RBM47: variants seen among roughly 807,000 people sequenced by gnomAD.
RBM47 encodes the protein RNA-binding protein 47.
Under a neutral mutation model 47.1 loss-of-function variants are expected in RBM47, and 21 were observed. The ratio of observed to expected loss-of-function variants is 0.45; its 90% CI spans 0.32 to 0.64. RBM47 has a LOEUF of 0.64. RBM47 is among the 30% of genes least tolerant of loss of function. The pLI is 0.05. For missense variants in RBM47, 708 were observed against 870.9 expected, an observed-to-expected ratio of 0.81 and a Z score of 2.35; for synonymous variants, 375 against 361.7, an observed-to-expected ratio of 1.04 and a Z score of -0.42.
In RBM47 at chr4:40,628,174, G is replaced by A. The variant is rs1737911380; in HGVS notation, c.-240+1222C>T. 6.6e-6 allele frequency among the ~76,000 whole-genome samples: 1 copy of A among 152,168 alleles called. No individual in the cohort carries two copies. ...AATAATTAAGTCAAAGAGGCCAACA[G>A]TGTGTATATCAGAACAAGGTGAAGG... is the stretch of plus-strand genomic sequence containing the variant. On this transcript the variant is annotated intron_variant, in intron 1 of 6. Transcript: ENST00000295971. The surrounding 1 kb of genome is among the most constrained non-coding windows in gnomAD (Gnocchi z 4.0).
At position 40,471,878 on chromosome 4, in the gene RBM47, G is replaced by A. The variant is rs191824359; in HGVS notation, c.-154-5179C>T. On this transcript the variant is annotated intron_variant, in intron 2 of 6. Coordinates refer to ENST00000295971, the MANE Select transcript of RBM47 (RefSeq NM_001098634.2). ...TTACACATGCTGTTCCAATATTTCAGCCCTCACCAATTCCCATCTAGCCAG... is the reference window on the plus strand; with the variant it reads ...TTACACATGCTGTTCCAATATTTCAACCCTCACCAATTCCCATCTAGCCAG... Among the ~76,000 whole-genome samples the A allele has an allele frequency of 2.4e-3, 359 of 152,082 alleles. 1 individual carries two copies. Among genetic ancestry groups the A allele is most frequent in the Middle Eastern group, 0.01 (3 of 294 alleles).
chr4:40,434,686 C>T (rs562909513), intron 5 of RBM47, among the ~76,000 whole-genome samples: 5 of 99,012 alleles, frequency 5.0e-5, no homozygotes, highest in South Asian at 6.8e-4. Context: ...GCAGAAATTG[C>T]AGAATTTTTA....
At chr4:40,607,267 T>C (rs1396667723) in intron 1 of RBM47, among the ~76,000 whole-genome samples, 2 of 152,154 alleles carry the variant, frequency 1.3e-5, no homozygotes, top group African/African-American at 4.8e-5. Flanking sequence ...AGAGGCCACA[T>C]ATCGTATGGT....
intron 1 of RBM47, among the ~76,000 whole-genome samples, chr4:40,583,414 A>T (rs934032453): frequency 1.4e-5 from 2 of 145,468 alleles, no homozygotes; most frequent in Non-Finnish European, 3.0e-5. Flanking sequence ...AAAAAAAAAA[A>T]GGGAAACAGA....
chr4:40,470,976 C>T (rs928244496), intron 2 of RBM47, among the ~76,000 whole-genome samples: 1 of 152,170 alleles, frequency 6.6e-6, no homozygotes, highest in African/African-American at 2.4e-5. Flanking sequence ...CGCCTGACCT[C>T]AAGTGATCTG....
At chr4:40,581,450 A>AAATAAAT (rs1553904691) in intron 1 of RBM47, among the ~76,000 whole-genome samples, 5 of 149,154 alleles carry the variant, frequency 3.4e-5, no homozygotes, top group Non-Finnish European at 7.4e-5. Flanking sequence ...ATAAATAAAT[A>AAATAAAT]AATAAATAAA....
intron 2 of RBM47, among the ~76,000 whole-genome samples, chr4:40,484,162 T>C (rs1720785864): frequency 6.6e-6 from 1 of 152,296 alleles, no homozygotes; most frequent in Admixed American, 6.5e-5. Context: ...ATTATAGTAA[T>C]CAAATGTAGA....
intron 6 of RBM47, among the ~76,000 whole-genome samples, chr4:40,429,153 C>G (rs1374505865): frequency 6.6e-6 from 1 of 152,118 alleles, no homozygotes; most frequent in Non-Finnish European, 1.5e-5. Context: ...TAATAGCCAT[C>G]TGGGTTATCA....
chr4:40,459,779 T>C (rs930965593), intron 3 of RBM47, among the ~76,000 whole-genome samples: 1 of 152,132 alleles, frequency 6.6e-6, no homozygotes, highest in Non-Finnish European at 1.5e-5. Flanking sequence ...TCATTCTTGT[T>C]GCTAAGGCTG....
intron 1 of RBM47, among the ~76,000 whole-genome samples, chr4:40,596,296 A>G (rs78335472): frequency 0.011 from 1,698 of 152,334 alleles, 33 homozygotes; most frequent in African/African-American, 0.038. Context: ...AAGGTGGATC[A>G]TTCCTGATCT....
At chr4:40,528,945 A>AAAAAT (rs1412585518) in intron 2 of RBM47, among the ~76,000 whole-genome samples, 2 of 92,348 alleles carry the variant, frequency 2.2e-5, no homozygotes, top group East Asian at 6.1e-4. Flanking sequence ...TCCGTCTCAA[A>AAAAAT]AAAAAAATAA....
At chr4:40,496,972 C>T (rs1219727481) in intron 2 of RBM47, among the ~76,000 whole-genome samples, 11 of 144,672 alleles carry the variant, frequency 7.6e-5, no homozygotes, top group Non-Finnish European at 1.5e-4. Context: ...ACCTGGGAGG[C>T]GGAGGTTGCG....
chr4:40,439,043 T>C (rs1195376786), intron 3 of RBM47, 119 bp from the exon 4 acceptor site: 5 of 878,880 alleles, frequency 5.7e-6, no homozygotes, highest in African/African-American at 1.7e-5. Flanking sequence ...GTGGTTTAAA[T>C]GAGAAATAGG....
At chr4:40,550,412 A>G (rs1191716927) in intron 1 of RBM47, among the ~76,000 whole-genome samples, 5 of 152,100 alleles carry the variant, frequency 3.3e-5, no homozygotes, top group African/African-American at 9.6e-5. Context: ...AAATGTGGGA[A>G]GTTTATCATA....
chr4:40,565,789 TG>T (rs1731043577), intron 1 of RBM47, among the ~76,000 whole-genome samples: 1 of 151,952 alleles, frequency 6.6e-6, no homozygotes, highest in Non-Finnish European at 1.5e-5. Context: ...AGAAACAAAA[TG>T]GACTGGACCC....
intron 1 of RBM47, among the ~76,000 whole-genome samples, chr4:40,608,295 T>A (rs1463471279): frequency 1.3e-5 from 2 of 152,106 alleles, no homozygotes; most frequent in African/African-American, 4.8e-5. Context: ...CCCACATGAG[T>A]GTGAGCATCT....
intron 1 of RBM47, among the ~76,000 whole-genome samples, chr4:40,570,720 T>C (rs960804272): frequency 6.6e-6 from 1 of 152,022 alleles, no homozygotes; most frequent in South Asian, 2.1e-4. Flanking sequence ...AAAATAATCA[T>C]GATAATGTTT....
intron 1 of RBM47, among the ~76,000 whole-genome samples, chr4:40,554,158 A>G (rs1459047985): frequency 6.6e-6 from 1 of 152,250 alleles, no homozygotes; most frequent in East Asian, 1.9e-4. Context: ...AATGCTCTCT[A>G]AGGCCTCATT....
intron 2 of RBM47, among the ~76,000 whole-genome samples, chr4:40,528,341 C>T (rs912801710): frequency 2.6e-5 from 4 of 151,278 alleles, no homozygotes; most frequent in African/African-American, 9.7e-5. Context: ...ACCAGGAGGC[C>T]GAGGTTGCAG....
Sources: allele counts gnomAD v4.1 joint callset (sites outside exome capture counted in the v4.1 genomes callset), GRCh38; gene constraint gnomAD v4.1.1; non-coding constraint Gnocchi (gnomAD v3.1); transcripts MANE v1.5; gene names NCBI Gene and HGNC (gene_info 2026-07-23, HGNC 2026-07-21).